Variants in KAZN observed in about 807,000 individuals in gnomAD.
The protein encoded by KAZN is kazrin.
Under a neutral mutation model 87.4 loss-of-function variants are expected in KAZN, and 40 were observed. The observed-to-expected ratio is 0.46, with a 90% CI of 0.36 to 0.60. The LOEUF is 0.60. Among genes scored for constraint, KAZN ranks in the 20% least tolerant of loss-of-function variants. KAZN has a pLI of 0.00. For missense variants in KAZN, 898 were observed against 1,073.9 expected (o/e 0.84, Z 2.29); for synonymous variants, 466 against 458.3 (o/e 1.02, Z -0.22).
intron 1 of KAZN, among the ~76,000 whole-genome samples, chr1:14,696,004 A>C (rs545120193): frequency 3.5e-4 from 53 of 152,340 alleles, no homozygotes; most frequent in African/African-American, 1.1e-3. Flanking sequence ...CATGTTATAT[A>C]TAATTCAGTT....
chr1:14,194,727 G>A (rs1269688599), intron 2 of KAZN, among the ~76,000 whole-genome samples: 1 of 152,204 alleles, frequency 6.6e-6, no homozygotes, highest in East Asian at 1.9e-4. Flanking sequence ...TTTGGGATAG[G>A]AGGGCATGGG....
Position 14,155,636 on chromosome 1 carries a change from TTTCTTCTTC to T in KAZN, c.92-24781_92-24773del, listed in dbSNP as rs369190328. ...TGCACTGTTAAGTTTATTTGGTATTTTTCTTCTTCTTCTTCTTCTTCTTCTTTTTTTGAG... is the reference window on the plus strand; with the variant it reads ...TGCACTGTTAAGTTTATTTGGTATTTTTCTTCTTCTTCTTCTTTTTTTGAG... On this transcript the variant is annotated intron_variant, in intron 1 of 16. Coordinates refer to the KAZN transcript ENST00000636203. 3.5e-3 allele frequency among the ~76,000 whole-genome samples: 524 copies of T among 151,564 alleles called. 9 individuals are homozygous for T. Among genetic ancestry groups the T allele is most frequent in the South Asian group, 0.026 (124 of 4,810 alleles).
rs1640944672 is a variant in KAZN, at chr1:15,099,351, A to G, written c.1548-2192A>G. On this transcript the variant is annotated intron_variant, in intron 10 of 14. Coordinates refer to ENST00000376030, the MANE Select transcript of KAZN (RefSeq NM_201628.3). The surrounding 1 kb of genome is among the most constrained non-coding windows in gnomAD (Gnocchi z 5.4). ...ATCTGCTAAGGTGGGGAAGAGAGAA[A>G]ATAAATTAGTGGACAAACCAGCAAT... is the stretch of plus-strand genomic sequence containing the variant. 6.6e-6 allele frequency among the ~76,000 whole-genome samples: 1 copy of G among 152,214 alleles called. No homozygotes were observed. The highest frequency in any genetic ancestry group is 1.5e-5 in the Non-Finnish European group (1 of 68,046).
intron 2 of KAZN, among the ~76,000 whole-genome samples, chr1:14,349,995 G>C (rs1571360228): frequency 6.6e-6 from 1 of 152,014 alleles, no homozygotes. Flanking sequence ...AATTAGCCAG[G>C]TATGGTGGCA....
At chr1:14,702,720 G>A (rs1642001892) in intron 1 of KAZN, among the ~76,000 whole-genome samples, 1 of 152,162 alleles carries the variant, frequency 6.6e-6, no homozygotes, top group Non-Finnish European at 1.5e-5. Flanking sequence ...GAGTCACCTG[G>A]CGGCAAACCA....
At chr1:14,770,217 G>A (rs535121328) in intron 1 of KAZN, among the ~76,000 whole-genome samples, 1 of 152,338 alleles carries the variant, frequency 6.6e-6, no homozygotes, top group African/African-American at 2.4e-5. Context: ...CAGGCATGGT[G>A]CCTGATGATT....
At chr1:14,371,973 C>T (rs1428938726) in intron 2 of KAZN, among the ~76,000 whole-genome samples, 6 of 152,188 alleles carry the variant, frequency 3.9e-5, no homozygotes, top group African/African-American at 1.2e-4. Context: ...AGGAAACTGG[C>T]AGAGAATCTT....
In KAZN at chr1:15,103,379, C is replaced by G; in HGVS notation, c.1800C>G (p.Ala600=). The G allele has an allele frequency of 6.4e-7, 1 of 1,551,802 alleles. No homozygotes were observed. Among genetic ancestry groups the G allele is most frequent in the South Asian group, 1.2e-5 (1 of 84,070 alleles). ...FSREALQERR[A]RCETQNIDPV... is the part of the protein sequence containing the mutation. The stretch of plus-strand genomic sequence containing the variant: ...ACAAGGCCCTCCAGGAGCGCCGGGC[C>G]CGCTGCGAGACGCAGAACATTGACC... The change falls in exon 12 of 15, where the codon GCC becomes GCG. Residue 600 remains alanine, a synonymous_variant. Coordinates refer to ENST00000376030, the MANE Select transcript of KAZN (RefSeq NM_201628.3).
chr1:14,840,284 G>A (rs1020656660), intron 1 of KAZN, among the ~76,000 whole-genome samples: 1 of 152,044 alleles, frequency 6.6e-6, no homozygotes, highest in Non-Finnish European at 1.5e-5. Context: ...TCTGGGGTGG[G>A]GGATCTAATC....
chr1:14,792,367 T>C (rs917489441), intron 1 of KAZN, among the ~76,000 whole-genome samples: 1 of 152,204 alleles, frequency 6.6e-6, no homozygotes, highest in Non-Finnish European at 1.5e-5. Context: ...CAAGGTGTGG[T>C]CAATCCATGC....
chr1:14,133,410 A>AAAGC (rs1395619709), intron 1 of KAZN, among the ~76,000 whole-genome samples: 1 of 39,460 alleles, frequency 2.5e-5, no homozygotes, highest in East Asian at 1.7e-3. Context: ...AGAAAGAAAG[A>AAAGC]AAGAAAGAAA....
intron 2 of KAZN, among the ~76,000 whole-genome samples, chr1:15,024,551 A>C (rs1670993952): frequency 6.6e-6 from 1 of 152,256 alleles, no homozygotes; most frequent in Non-Finnish European, 1.5e-5. Flanking sequence ...GGCACATGCC[A>C]AGTGCAAAGA....
chr1:14,043,828 T>C (rs1313634422), intron 1 of KAZN, among the ~76,000 whole-genome samples: 1 of 152,170 alleles, frequency 6.6e-6, no homozygotes. Flanking sequence ...GTTCAGTGAC[T>C]TGTCTGGGTT....
intron 2 of KAZN, among the ~76,000 whole-genome samples, chr1:14,519,882 C>T (rs534609115): frequency 3.3e-5 from 5 of 152,084 alleles, no homozygotes; most frequent in African/African-American, 1.2e-4. Flanking sequence ...GTTCCCTGTG[C>T]CAAGCATGAA....
At chr1:14,164,724 C>A (rs2157563) in intron 1 of KAZN, among the ~76,000 whole-genome samples, 1 of 151,644 alleles carries the variant, frequency 6.6e-6, no homozygotes, top group Admixed American at 6.6e-5. Flanking sequence ...ACTTTTAGTA[C>A]AGATGGGGTT....
intron 1 of KAZN, among the ~76,000 whole-genome samples, chr1:14,829,735 T>C (rs903900620): frequency 6.6e-6 from 1 of 152,016 alleles, no homozygotes; most frequent in African/African-American, 2.4e-5. Flanking sequence ...CAAAGAAGCG[T>C]GACAAATTTT....
intron 8 of KAZN, among the ~76,000 whole-genome samples, chr1:15,082,334 G>A (rs1033471994): frequency 6.6e-6 from 1 of 152,176 alleles, no homozygotes; most frequent in Non-Finnish European, 1.5e-5. Flanking sequence ...TCAGGCTCCA[G>A]GGAGCTCTGC....
chr1:14,124,022 G>T (rs778915591), intron 1 of KAZN, among the ~76,000 whole-genome samples: 3 of 152,064 alleles, frequency 2.0e-5, no homozygotes, highest in Non-Finnish European at 4.4e-5. Flanking sequence ...CCCAGGTAAG[G>T]GTCTACCTTT....
chr1:14,000,814 G>A (rs867543066), intron 1 of KAZN, among the ~76,000 whole-genome samples: 3 of 149,554 alleles, frequency 2.0e-5, no homozygotes. Flanking sequence ...ACGGAGTCTC[G>A]CTCTGTCGCC....
Sources: gnomAD v4.1 joint callset for allele counts (sites outside exome capture counted in the v4.1 genomes callset) on GRCh38, gnomAD v4.1.1 for gene constraint, Gnocchi (gnomAD v3.1) non-coding constraint, MANE v1.5 for transcripts, NCBI Gene and HGNC (gene_info 2026-07-23, HGNC 2026-07-21) for gene names.